The following CSMD1 variants were observed in gnomAD, a reference collection of about 807,000 sequenced individuals.
CSMD1 encodes the protein CUB and sushi domain-containing protein 1.
Under a neutral mutation model 417.5 loss-of-function variants are expected in CSMD1, and 213 were observed. The ratio of observed to expected loss-of-function variants is 0.51; its 90% CI spans 0.46 to 0.57. The LOEUF (loss-of-function observed/expected upper bound fraction) is 0.57. Ranked by LOEUF, CSMD1 falls within the 20% of genes least tolerant of loss-of-function variation. The pLI, the probability that CSMD1 is intolerant of heterozygous loss-of-function variation, is 0.00. For synonymous variants in CSMD1, 2,862 were observed against 1,736.8 expected (o/e 1.65, Z -16.11); for missense variants, 6,923 against 4,529.7 (o/e 1.53, Z -15.17).
intron 12 of CSMD1, among the ~76,000 whole-genome samples, chr8:3,414,748 C>T (rs182166692): frequency 3.2e-4 from 49 of 152,286 alleles, no homozygotes; most frequent in Admixed American, 4.6e-4. Flanking sequence ...AGACTTGCTA[C>T]AATTTCTTTT....
At chr8:4,513,954 A>T (rs968951605) in intron 2 of CSMD1, among the ~76,000 whole-genome samples, 1 of 152,224 alleles carries the variant, frequency 6.6e-6, no homozygotes, top group African/African-American at 2.4e-5. Flanking sequence ...CCAAAGAATC[A>T]CTTGGGACTC....
intron 1 of CSMD1, among the ~76,000 whole-genome samples, chr8:4,661,990 C>A (rs937426479): frequency 3.9e-5 from 6 of 152,060 alleles, no homozygotes; most frequent in Non-Finnish European, 8.8e-5. Context: ...TATAATTTTG[C>A]TCTATTAGCA....
chr8:4,326,902 G>A lies in CSMD1; in HGVS notation c.415+93051C>T, dbSNP rs1799592959. 2.6e-5 allele frequency among the ~76,000 whole-genome samples: 4 copies of A among 152,268 alleles called. No individual in the cohort carries two copies. The South Asian group carries it at 8.3e-4, about 32-fold the overall frequency. ...ACTATTTTACATAGACCATGTATAGGAGGAAAAGTAAGTTAGGAGCCATAA... is the reference window on the plus strand; with the variant it reads ...ACTATTTTACATAGACCATGTATAGAAGGAAAAGTAAGTTAGGAGCCATAA... On this transcript the variant is annotated intron_variant, in intron 3 of 69. Transcript: ENST00000635120.
intron 3 of CSMD1, among the ~76,000 whole-genome samples, chr8:4,255,782 C>A (rs932899183): frequency 6.6e-6 from 1 of 152,108 alleles, no homozygotes; most frequent in Non-Finnish European, 1.5e-5. Flanking sequence ...TTAAAGAAAA[C>A]CCCAGCTCCA....
At chr8:4,776,281 T>G (rs1016233303) in intron 1 of CSMD1, among the ~76,000 whole-genome samples, 30 of 152,198 alleles carry the variant, frequency 2.0e-4, no homozygotes, top group African/African-American at 7.2e-4. Flanking sequence ...AAATTTAAAC[T>G]AGCAGCATGT....
intron 6 of CSMD1, among the ~76,000 whole-genome samples, chr8:3,747,576 G>C (rs1797122540): frequency 1.3e-5 from 2 of 151,436 alleles, no homozygotes; most frequent in African/African-American, 4.9e-5. Flanking sequence ...CTCTTTCCAA[G>C]TTTGTTTATT....
Position 4,206,438 on chromosome 8 carries a change from T to C in CSMD1, c.416-174339A>G, listed in dbSNP as rs577638366. On this transcript the variant is annotated intron_variant, in intron 3 of 69. Coordinates refer to ENST00000635120, the MANE Select transcript of CSMD1 (RefSeq NM_033225.6). ...CCTATGACTGAGAACATGCGGTGTT[T>C]GGTTTTCTGTCCTTGTGATAGTTTG... Among the ~76,000 whole-genome samples the C allele has an allele frequency of 9.2e-5, 14 of 152,256 alleles. No individual in the cohort carries two copies. In the South Asian group the frequency reaches 2.5e-3, roughly 27 times the overall value.
chr8:4,223,101 G>T (rs973052785), intron 3 of CSMD1, among the ~76,000 whole-genome samples: 2 of 151,184 alleles, frequency 1.3e-5, no homozygotes, highest in African/African-American at 4.8e-5. Context: ...GCCCTGCCCT[G>T]AGCATCTGTA....
intron 7 of CSMD1, among the ~76,000 whole-genome samples, chr8:3,619,634 C>T (rs903631668): frequency 3.9e-5 from 6 of 151,966 alleles, no homozygotes; most frequent in Admixed American, 2.6e-4. Context: ...TCAAGAGATC[C>T]ACAGCAAGAC....
At chr8:3,949,592 G>A (rs974389334) in intron 5 of CSMD1, among the ~76,000 whole-genome samples, 1 of 152,122 alleles carries the variant, frequency 6.6e-6, no homozygotes, top group African/African-American at 2.4e-5. Flanking sequence ...GAAACTAATT[G>A]AAGAACATGA....
intron 46 of CSMD1, among the ~76,000 whole-genome samples, chr8:3,099,269 G>C (rs1815562731): frequency 1.3e-5 from 2 of 152,114 alleles, no homozygotes; most frequent in South Asian, 4.1e-4. Context: ...CCTCCTGTAA[G>C]TTCCTTCATC....
At chr8:4,032,674 C>G (rs1305318351) in intron 3 of CSMD1, among the ~76,000 whole-genome samples, 2 of 152,196 alleles carry the variant, frequency 1.3e-5, no homozygotes, top group Non-Finnish European at 2.9e-5. Flanking sequence ...TGTTCCACTA[C>G]TGTATTCCAG....
intron 41 of CSMD1, among the ~76,000 whole-genome samples, chr8:3,124,116 C>G (rs1817363063): frequency 6.6e-6 from 1 of 151,976 alleles, no homozygotes; most frequent in Non-Finnish European, 1.5e-5. Context: ...TTCTCAATGG[C>G]AACAAAACAA....
chr8:4,256,058 T>C (rs1022417388), intron 3 of CSMD1, among the ~76,000 whole-genome samples: 1 of 152,234 alleles, frequency 6.6e-6, no homozygotes, highest in African/African-American at 2.4e-5. Flanking sequence ...AACGATTGCA[T>C]ATTTCCTGTA....
intron 12 of CSMD1, among the ~76,000 whole-genome samples, chr8:3,445,528 T>C (rs6991036): frequency 0.77 from 116,441 of 152,104 alleles, 44,784 homozygotes; most frequent in East Asian, 0.87. Flanking sequence ...ACTCTTTTCA[T>C]TACACATTTT....
chr8:3,055,679 G>C (rs1000254286), intron 49 of CSMD1, among the ~76,000 whole-genome samples: 3 of 152,314 alleles, frequency 2.0e-5, no homozygotes, highest in South Asian at 2.1e-4. Context: ...TATCCAAAGA[G>C]AGTAAAATTC....
chr8:4,855,816 T>G (rs1801767091), intron 1 of CSMD1, among the ~76,000 whole-genome samples: 1 of 151,224 alleles, frequency 6.6e-6, no homozygotes, highest in African/African-American at 2.4e-5. Flanking sequence ...ATGGGGAGAA[T>G]GGAACCAAGT....
intron 2 of CSMD1, among the ~76,000 whole-genome samples, chr8:4,555,557 T>C (rs1338118308): frequency 4.6e-5 from 7 of 152,152 alleles, no homozygotes; most frequent in Non-Finnish European, 1.0e-4. Flanking sequence ...CTGTTACAAT[T>C]GCCTCCAGGA....
At chr8:4,977,014 G>A (rs887914438) in intron 1 of CSMD1, among the ~76,000 whole-genome samples, 3 of 152,090 alleles carry the variant, frequency 2.0e-5, no homozygotes, top group Admixed American at 1.3e-4. Context: ...ATGTGTACTC[G>A]AACTGACCAT....
Sources: gnomAD v4.1 joint callset for allele counts (sites outside exome capture counted in the v4.1 genomes callset) on GRCh38, gnomAD v4.1.1 for gene constraint, MANE v1.5 for transcripts, NCBI Gene and HGNC (gene_info 2026-07-23, HGNC 2026-07-21) for gene names.